Variants in ZNF385C observed in about 807,000 individuals in gnomAD.
ZNF385C encodes the protein zinc finger protein 385C.
ZNF385C carries 28 observed loss-of-function variants against 35.4 expected under a neutral mutation model. The observed-to-expected ratio is 0.79, with a 90% CI of 0.59 to 1.08. The LOEUF is 1.08. Among genes scored for constraint, ZNF385C ranks in the 50% least tolerant of loss-of-function variants. The pLI is 0.00. For synonymous variants in ZNF385C, 248 were observed against 248.2 expected, an observed-to-expected ratio of 1.00 and a Z score of 0.01; for missense variants, 605 against 595.6, an observed-to-expected ratio of 1.02 and a Z score of -0.16.
chr17:42,090,095 G>T (rs2053849138), intron 1 of ZNF385C, among the ~76,000 whole-genome samples: 1 of 152,024 alleles, frequency 6.6e-6, no homozygotes, highest in Non-Finnish European at 1.5e-5. Flanking sequence ...CTGGAGCACA[G>T]CGAGTTTCCC....
chr17:42,088,755 A>G (rs782472237), intron 1 of ZNF385C, among the ~76,000 whole-genome samples: 1 of 152,216 alleles, frequency 6.6e-6, no homozygotes, highest in Non-Finnish European at 1.5e-5. Flanking sequence ...GGGTGTGGGA[A>G]TGGCAGCAAG....
At chr17:42,034,393 G>C in intron 3 of ZNF385C, 58 bp from the exon 4 acceptor site, 1 of 1,299,588 alleles carries the variant, frequency 7.7e-7, no homozygotes, top group East Asian at 2.5e-5. Flanking sequence ...AGCAGGGGTC[G>C]GGGGCAGCAC....
intron 7 of ZNF385C, 151 bp downstream of exon 7, chr17:42,027,899 G>A: frequency 8.2e-7 from 1 of 1,217,898 alleles, no homozygotes; most frequent in Non-Finnish European, 1.2e-6. Context: ...CTTGGCCTTT[G>A]CCCTTAATTG....
intron 2 of ZNF385C, among the ~76,000 whole-genome samples, chr17:42,049,724 G>A (rs1295555128): frequency 6.6e-6 from 1 of 152,234 alleles, no homozygotes; most frequent in Admixed American, 6.5e-5. Flanking sequence ...TGCCTATCCT[G>A]CCCATTCTGC....
Position 42,028,193 on chromosome 17 carries a change from G to A in ZNF385C, c.1021C>T (p.Arg341Trp), listed in dbSNP as rs782391981. ...CCTCCCCTGGACACCGGGCGGCCCC[G>A]GCTCCTCCGGGGAGCCCCTCGCTGA... ...EGQRGAPRRS[R>W]GRPVSRGGAG... is the part of the protein sequence containing the mutation. The change falls in exon 7 of 9, where the codon CGG becomes TGG. Residue 341 changes from arginine (R) to tryptophan (W), a missense_variant. Transcript: ENST00000692273. The A allele has an allele frequency of 2.6e-5, 41 of 1,585,588 alleles. No individual in the cohort carries two copies. The highest frequency in any genetic ancestry group is 3.7e-5 in the Admixed American group (2 of 54,330).
intron 1 of ZNF385C, among the ~76,000 whole-genome samples, chr17:42,065,703 A>C (rs1402398193): frequency 2.0e-5 from 3 of 152,092 alleles, no homozygotes; most frequent in Non-Finnish European, 4.4e-5. Flanking sequence ...GTATGTTTAA[A>C]ATTTCAATAG....
chr17:42,027,022 G>A lies in ZNF385C; in HGVS notation c.1387C>T (p.Leu463Phe), dbSNP rs376028779. Residue 463 changes from leucine (L) to phenylalanine (F), a missense_variant, in exon 9 of 9, where the codon CTC becomes TTC. Leu to Phe is a conservative substitution (Grantham distance 22). Coordinates refer to ENST00000692273, the MANE Select transcript of ZNF385C (RefSeq NM_001392013.1). Reference protein sequence around the residue: ...AICALPGPLALRPAPTAATTL... With the variant: ...AICALPGPLAFRPAPTAATTL... Reference sequence around the variant, plus strand: ...GTGGCTGCTGTAGGGGCAGGGCGGAGGGCCAGGGGCCCTGGCAGAGCACAG... The same window carrying A: ...GTGGCTGCTGTAGGGGCAGGGCGGAAGGCCAGGGGCCCTGGCAGAGCACAG... 7 of 1,607,692 alleles carry A rather than the reference G, an allele frequency of 4.4e-6. No individual in the cohort carries two copies. The African/African-American group carries it at 9.4e-5, about 21-fold the overall frequency.
chr17:42,048,098 C>T (rs905433305), intron 2 of ZNF385C, among the ~76,000 whole-genome samples: 1 of 152,136 alleles, frequency 6.6e-6, no homozygotes, highest in African/African-American at 2.4e-5. Flanking sequence ...TCCTCCCCCC[C>T]TTCCCAACTT....
At chr17:42,057,671 G>A (rs1003616495) in intron 2 of ZNF385C, among the ~76,000 whole-genome samples, 8 of 152,058 alleles carry the variant, frequency 5.3e-5, no homozygotes, top group African/African-American at 1.7e-4. Flanking sequence ...GAGGCCAGGC[G>A]CAGTGGCTCA....
At chr17:42,068,073 C>G (rs1388811050) in intron 1 of ZNF385C, among the ~76,000 whole-genome samples, 1 of 152,172 alleles carries the variant, frequency 6.6e-6, no homozygotes, top group Admixed American at 6.5e-5. Flanking sequence ...CTGCTGCAGC[C>G]TGCCCTGCCT....
chr17:42,081,146 C>G (rs1261915009), intron 1 of ZNF385C, among the ~76,000 whole-genome samples: 3 of 152,170 alleles, frequency 2.0e-5, no homozygotes, highest in Non-Finnish European at 4.4e-5. Flanking sequence ...AAAGGGCCCT[C>G]ATGGAACTTG....
At chr17:42,074,223 CCA>C (rs2053661538) in intron 1 of ZNF385C, among the ~76,000 whole-genome samples, 1 of 152,202 alleles carries the variant, frequency 6.6e-6, no homozygotes, top group Admixed American at 6.5e-5. Context: ...TCCCAGCTAT[CCA>C]CAACACCAGT....
intron 1 of ZNF385C, among the ~76,000 whole-genome samples, chr17:42,090,276 CCTTTTTT>C (rs1315748196): frequency 1.4e-5 from 2 of 140,300 alleles, no homozygotes; most frequent in Non-Finnish European, 3.0e-5. Context: ...CCTCTTATTC[CCTTTTTT>C]TTTTTTTTTT....
At chr17:42,064,153 C>G (rs1421960143) in intron 1 of ZNF385C, among the ~76,000 whole-genome samples, 1 of 151,858 alleles carries the variant, frequency 6.6e-6, no homozygotes, top group Non-Finnish European at 1.5e-5. Context: ...AGTGGCCCCT[C>G]CAGGCCCCCA....
intron 2 of ZNF385C, among the ~76,000 whole-genome samples, chr17:42,049,402 G>C (rs1190530110): frequency 3.9e-5 from 6 of 152,178 alleles, no homozygotes; most frequent in African/African-American, 1.4e-4. Context: ...GGGCAGGAAA[G>C]GTAACTAACT....
At chr17:42,047,085 G>T (rs974637697) in intron 2 of ZNF385C, among the ~76,000 whole-genome samples, 1 of 149,996 alleles carries the variant, frequency 6.7e-6, no homozygotes, top group Admixed American at 6.6e-5. Context: ...AGGCTGGAGC[G>T]CAGTGGCGCG....
At chr17:42,091,173 G>A (rs914735540) in intron 1 of ZNF385C, among the ~76,000 whole-genome samples, 23 of 152,044 alleles carry the variant, frequency 1.5e-4, no homozygotes, top group Admixed American at 1.5e-3. Context: ...TTACAGGCAT[G>A]AGCCTGTAAT....
chr17:42,091,504 C>T (rs1462009880), intron 1 of ZNF385C, among the ~76,000 whole-genome samples: 2 of 152,208 alleles, frequency 1.3e-5, no homozygotes, highest in African/African-American at 2.4e-5. Context: ...GCCCTATGCC[C>T]AGCTTCCCAA....
intron 1 of ZNF385C, among the ~76,000 whole-genome samples, chr17:42,077,941 C>A (rs2053702424): frequency 6.6e-6 from 1 of 152,150 alleles, no homozygotes; most frequent in African/African-American, 2.4e-5. Flanking sequence ...CCACTGGTTG[C>A]AAATCCCCCT....
Sources: allele counts gnomAD v4.1 joint callset (sites outside exome capture counted in the v4.1 genomes callset), GRCh38; gene constraint gnomAD v4.1.1; transcripts MANE v1.5; gene names NCBI Gene and HGNC (gene_info 2026-07-23, HGNC 2026-07-21).